SLC24A3: variants seen among roughly 807,000 people sequenced by gnomAD.
SLC24A3 encodes sodium/potassium/calcium exchanger 3.
SLC24A3 carries 28 observed loss-of-function variants against 75.8 expected under a neutral mutation model. The ratio of observed to expected loss-of-function variants is 0.37; its 90% CI spans 0.27 to 0.51. The LOEUF is 0.51. Ranked by LOEUF, SLC24A3 falls within the 20% of genes least tolerant of loss-of-function variation. SLC24A3 has a pLI of 0.94. For missense variants in SLC24A3, 663 were observed against 847.8 expected (o/e 0.78, Z 2.71); for synonymous variants, 372 against 334.1 (o/e 1.11, Z -1.24).
Position 19,411,741 on chromosome 20 carries a change from G to A in SLC24A3, c.272-103747G>A, listed in dbSNP as rs1176583303. 2.6e-5 allele frequency among the ~76,000 whole-genome samples: 4 copies of A among 152,218 alleles called. No homozygotes were observed. The East Asian group carries it at 5.8e-4, about 22-fold the overall frequency. On this transcript the variant is annotated intron_variant, in intron 2 of 16. Coordinates refer to ENST00000328041, the MANE Select transcript of SLC24A3 (RefSeq NM_020689.4). ...AATAATTGTAGGTTATGCTTTTGAA[G>A]AGCAGAAACGCAAATGTTTCACTTG...
intron 2 of SLC24A3, among the ~76,000 whole-genome samples, chr20:19,379,661 A>G (rs1444887531): frequency 6.6e-6 from 1 of 152,124 alleles, no homozygotes; most frequent in Non-Finnish European, 1.5e-5. Flanking sequence ...GGCTGCTTCC[A>G]CTGCATAATA....
At chr20:19,341,278 C>A (rs972306120) in intron 2 of SLC24A3, among the ~76,000 whole-genome samples, 2 of 152,140 alleles carry the variant, frequency 1.3e-5, no homozygotes, top group African/African-American at 4.8e-5. Context: ...TGTGACAATC[C>A]CCGGGAAAGC....
chr20:19,426,984 T>C (rs1436660495), intron 2 of SLC24A3, among the ~76,000 whole-genome samples: 1 of 152,056 alleles, frequency 6.6e-6, no homozygotes, highest in Non-Finnish European at 1.5e-5. Context: ...AGCAGGCAGT[T>C]TGGTGTCCAC....
At chr20:19,704,244 G>A (rs2032903774) in intron 15 of SLC24A3, among the ~76,000 whole-genome samples, 1 of 152,120 alleles carries the variant, frequency 6.6e-6, no homozygotes, top group Admixed American at 6.5e-5. Flanking sequence ...GAAGAACAGA[G>A]CAGTAGGGTG....
intron 2 of SLC24A3, among the ~76,000 whole-genome samples, chr20:19,444,777 G>A (rs1421795511): frequency 1.3e-5 from 2 of 151,680 alleles, no homozygotes; most frequent in Non-Finnish European, 1.5e-5. Flanking sequence ...TTGTTTTGCT[G>A]ATTTTATCTA....
In SLC24A3 at chr20:19,457,319, G is replaced by A. The variant is rs139753774; in HGVS notation, c.272-58169G>A. Among the ~76,000 whole-genome samples the A allele has an allele frequency of 3.9e-5, 6 of 152,272 alleles. No homozygotes were observed. In the East Asian group the frequency reaches 1.2e-3, roughly 29 times the overall value. ...GGGGCAAATCATGTTACCACCCTGAGCTGTAACTTTAAAATGAAGGAATTA... is the reference window on the plus strand; with the variant it reads ...GGGGCAAATCATGTTACCACCCTGAACTGTAACTTTAAAATGAAGGAATTA... On this transcript the variant is annotated intron_variant, in intron 2 of 16. Transcript: ENST00000328041.
rs116491681 is a variant in SLC24A3 at position 19,645,021 on chromosome 20, G to T, written c.613-9041G>T. 6.0e-4 allele frequency among the ~76,000 whole-genome samples: 91 copies of T among 152,288 alleles called. 1 individual carries two copies. The highest frequency in any genetic ancestry group is 2.0e-3 in the African/African-American group (84 of 41,548). Reference sequence around the variant, plus strand: ...CTCCGATAGAAATGTGAGCAATTGCGTGCTGGATTACAGTCACCGCAGTTA... The same window carrying T: ...CTCCGATAGAAATGTGAGCAATTGCTTGCTGGATTACAGTCACCGCAGTTA... On this transcript the variant is annotated intron_variant, in intron 6 of 16. Transcript: ENST00000328041.
At chr20:19,527,911 C>G (rs921865244) in intron 3 of SLC24A3, among the ~76,000 whole-genome samples, 1 of 152,054 alleles carries the variant, frequency 6.6e-6, no homozygotes, top group Non-Finnish European at 1.5e-5. Context: ...TGAAAGGTAC[C>G]CAAACATATC....
intron 2 of SLC24A3, among the ~76,000 whole-genome samples, chr20:19,359,088 C>A (rs1370437984): frequency 1.3e-5 from 2 of 152,136 alleles, no homozygotes; most frequent in Non-Finnish European, 2.9e-5. Context: ...CATTTGTGTA[C>A]AGGTTTTGGT....
At chr20:19,503,916 A>G (rs989709944) in intron 2 of SLC24A3, among the ~76,000 whole-genome samples, 1 of 152,188 alleles carries the variant, frequency 6.6e-6, no homozygotes, top group Non-Finnish European at 1.5e-5. Context: ...GATCAAACAA[A>G]ATGATATCAG....
In SLC24A3 at chr20:19,423,135, G is replaced by A. The variant is rs147461597; in HGVS notation, c.272-92353G>A. 2.9e-4 allele frequency among the ~76,000 whole-genome samples: 44 copies of A among 152,334 alleles called. 2 individuals are homozygous for A. The East Asian group carries it at 6.0e-3, about 21-fold the overall frequency. On this transcript the variant is annotated intron_variant, in intron 2 of 16. Coordinates refer to ENST00000328041, the MANE Select transcript of SLC24A3 (RefSeq NM_020689.4). ...GGCAGCTCTTGCCCCGCATCCAGCC[G>A]GTCTGGCCAAGAGTGGTTCAGTGTT...
intron 2 of SLC24A3, among the ~76,000 whole-genome samples, chr20:19,443,119 A>C (rs1220490353): frequency 6.6e-6 from 1 of 152,200 alleles, no homozygotes; most frequent in African/African-American, 2.4e-5. Flanking sequence ...AGGTAGTTTT[A>C]GTCCTCTGAC....
At chr20:19,288,803 C>T (rs1983871851) in intron 2 of SLC24A3, among the ~76,000 whole-genome samples, 2 of 152,190 alleles carry the variant, frequency 1.3e-5, no homozygotes, top group Non-Finnish European at 2.9e-5. Flanking sequence ...AAACAAGAGC[C>T]CTTGGCCACA....
intron 2 of SLC24A3, among the ~76,000 whole-genome samples, chr20:19,331,733 C>T (rs903159515): frequency 7.9e-5 from 12 of 152,184 alleles, no homozygotes; most frequent in African/African-American, 2.9e-4. Flanking sequence ...GTGAGCCACA[C>T]AGACAAGCTC....
intron 14 of SLC24A3, 90 bp from the exon 15 acceptor site, chr20:19,698,478 T>G: frequency 1.2e-6 from 1 of 842,838 alleles, no homozygotes; most frequent in Non-Finnish European, 1.9e-6. Flanking sequence ...GCAGAACCAC[T>G]CTCTGGCTGT....
rs561233954 is a variant in SLC24A3, at chr20:19,252,158, T to C, written c.143-28801T>C. Among the ~76,000 whole-genome samples the C allele has an allele frequency of 3.9e-5, 6 of 152,282 alleles. No homozygotes were observed. The South Asian group carries it at 1.2e-3, about 32-fold the overall frequency. On this transcript the variant is annotated intron_variant, in intron 1 of 16. Coordinates refer to ENST00000328041, the MANE Select transcript of SLC24A3 (RefSeq NM_020689.4). The stretch of plus-strand genomic sequence containing the variant: ...TCTTAGTAAATTCCTTGTTATCTTT[T>C]ACAACCATCTCGGGCAAATATTGTT...
intron 2 of SLC24A3, among the ~76,000 whole-genome samples, chr20:19,319,718 C>T (rs1039309096): frequency 1.3e-5 from 2 of 152,026 alleles, no homozygotes; most frequent in Non-Finnish European, 2.9e-5. Context: ...GTTGAGGGGT[C>T]CTGGTGGAGG....
intron 6 of SLC24A3, among the ~76,000 whole-genome samples, chr20:19,602,002 G>A (rs1387570994): frequency 6.6e-6 from 1 of 152,018 alleles, no homozygotes; most frequent in Non-Finnish European, 1.5e-5. Context: ...GTGAAACCCT[G>A]TCTCTACTAA....
At chr20:19,231,640 A>T (rs913335234) in intron 1 of SLC24A3, among the ~76,000 whole-genome samples, 1 of 152,200 alleles carries the variant, frequency 6.6e-6, no homozygotes, top group African/African-American at 2.4e-5. Context: ...TCCTGCTGAC[A>T]CATTAAATTT....
Sources: gnomAD v4.1 joint callset for allele counts (sites outside exome capture counted in the v4.1 genomes callset) on GRCh38, gnomAD v4.1.1 for gene constraint, MANE v1.5 for transcripts, NCBI Gene and HGNC (gene_info 2026-07-23, HGNC 2026-07-21) for gene names.